ANK2: variants seen among roughly 807,000 people sequenced by gnomAD.
ANK2 encodes ankyrin 2, also known as ankyrin-2.
Under a neutral mutation model 360.5 loss-of-function variants are expected in ANK2, and 83 were observed. The observed-to-expected ratio is 0.23, with a 90% CI of 0.19 to 0.28. The LOEUF is 0.28. ANK2 is among the 10% of genes least tolerant of loss of function. The pLI is 1.00. For synonymous variants in ANK2, 1,740 were observed against 1,759.5 expected (o/e 0.99, Z 0.28); for missense variants, 4,201 against 4,795.7 (o/e 0.88, Z 3.66).
At chr4:112,785,175 C>T in the ANK2 span, among the ~76,000 whole-genome samples, 2 of 152,042 alleles carry the variant, frequency 1.3e-5, no homozygotes, top group Non-Finnish European at 2.9e-5. Context: ...AGAGTTTGTA[C>T]ATCTGGGTTG....
At chr4:112,915,791 A>AT (rs1302116466) in intron 2 of ANK2, among the ~76,000 whole-genome samples, 1 of 151,036 alleles carries the variant, frequency 6.6e-6, no homozygotes, top group Non-Finnish European at 1.5e-5. Context: ...TAATAAATAC[A>AT]TTTTTTTCAA....
chr4:112,914,372 G>A lies in ANK2; in HGVS notation c.21+9858G>A, dbSNP rs539844142. 7.9e-5 allele frequency among the ~76,000 whole-genome samples: 12 copies of A among 152,252 alleles called. No individual in the cohort carries two copies. The South Asian group carries it at 1.0e-3, about 13-fold the overall frequency. ...ATCGTGGCTCACGCCGGTAATCCCC[G>A]TACTTTGGGAGGCTGAGGTGGGCAG... On this transcript the variant is annotated intron_variant, in intron 2 of 30. Coordinates refer to the ANK2 transcript ENST00000503271.
At chr4:113,103,827 T>A (rs2093280328) in intron 1 of ANK2, among the ~76,000 whole-genome samples, 1 of 152,164 alleles carries the variant, frequency 6.6e-6, no homozygotes, top group African/African-American at 2.4e-5. Flanking sequence ...CACATCTGAA[T>A]ATTTGCTTAA....
intron 1 of ANK2, among the ~76,000 whole-genome samples, chr4:113,140,263 G>T (rs1297957029): frequency 1.3e-5 from 2 of 151,976 alleles, no homozygotes; most frequent in Admixed American, 1.3e-4. Flanking sequence ...CGAGAATTCT[G>T]CATGCAATAG....
chr4:112,810,151 ATATATATATTTTTTTTTTTT>A, the ANK2 span, among the ~76,000 whole-genome samples: 224 of 26,290 alleles, frequency 8.5e-3, no homozygotes, highest in South Asian at 0.028. Flanking sequence ...ATATATATAT[ATATATATATTTTTTTTTTTT>A]TTTTTTTTTT....
intron 1 of ANK2, among the ~76,000 whole-genome samples, chr4:112,845,475 C>G (rs577935877): frequency 6.6e-6 from 1 of 152,052 alleles, no homozygotes; most frequent in Non-Finnish European, 1.5e-5. Context: ...GAAACTGACT[C>G]TAGTGAGATT....
intron 2 of ANK2, among the ~76,000 whole-genome samples, chr4:112,971,898 G>C (rs185719111): frequency 2.0e-5 from 3 of 152,254 alleles, no homozygotes; most frequent in East Asian, 3.9e-4. Flanking sequence ...GTGAGGCAAT[G>C]GTAGAGTGAG....
intron 2 of ANK2, among the ~76,000 whole-genome samples, chr4:113,042,104 T>G (rs2063105362): frequency 6.6e-6 from 1 of 152,158 alleles, no homozygotes. Flanking sequence ...AGATTCACCC[T>G]CACCGATGTG....
chr4:112,938,954 GT>G (rs1484254040), intron 2 of ANK2, among the ~76,000 whole-genome samples: 13 of 152,164 alleles, frequency 8.5e-5, no homozygotes, highest in African/African-American at 3.1e-4. Context: ...TAATGTGAAA[GT>G]TGATTTCTTA....
At chr4:113,259,943 G>T (rs2051805880) in intron 13 of ANK2, among the ~76,000 whole-genome samples, 1 of 151,758 alleles carries the variant, frequency 6.6e-6, no homozygotes, top group Non-Finnish European at 1.5e-5. Context: ...CTGTGTTCTT[G>T]CCCGCCTTTT....
chr4:112,956,751 A>C (rs1026835568), intron 2 of ANK2, among the ~76,000 whole-genome samples: 2 of 152,224 alleles, frequency 1.3e-5, no homozygotes, highest in African/African-American at 4.8e-5. Flanking sequence ...AAGGGAGACC[A>C]CTGTAAATAT....
At chr4:112,921,890 CAGATGGA>C (rs1233829075) in intron 2 of ANK2, among the ~76,000 whole-genome samples, 1 of 152,014 alleles carries the variant, frequency 6.6e-6, no homozygotes, top group Admixed American at 6.6e-5. Flanking sequence ...TGACAGGTAC[CAGATGGA>C]ATAAAACTCT....
At chr4:113,119,522 G>GA (rs548699959) in intron 1 of ANK2, among the ~76,000 whole-genome samples, 20 of 148,770 alleles carry the variant, frequency 1.3e-4, no homozygotes, top group South Asian at 4.3e-4. Flanking sequence ...ATGAAGAAAT[G>GA]AAAAAAAAAT....
chr4:112,898,738 T>G (rs1041111678), intron 1 of ANK2, among the ~76,000 whole-genome samples: 8 of 152,222 alleles, frequency 5.3e-5, no homozygotes, highest in Non-Finnish European at 1.2e-4. Flanking sequence ...ATTTTCTTCT[T>G]TCTCCTGTCT....
intron 1 of ANK2, among the ~76,000 whole-genome samples, chr4:113,076,803 G>GAA (rs11398989): frequency 2.9e-3 from 417 of 143,150 alleles, no homozygotes; most frequent in South Asian, 4.4e-3. Context: ...CTCAAAAAAA[G>GAA]AAAAAAAAAA....
chr4:112,876,232 C>A (rs2075066739), intron 1 of ANK2, among the ~76,000 whole-genome samples: 2 of 152,084 alleles, frequency 1.3e-5, no homozygotes, highest in Admixed American at 1.3e-4. Flanking sequence ...GGATTCACTG[C>A]AGCGATAATC....
chr4:113,029,837 G>T (rs1257811419), intron 2 of ANK2, among the ~76,000 whole-genome samples: 1 of 152,074 alleles, frequency 6.6e-6, no homozygotes, highest in African/African-American at 2.4e-5. Context: ...TTATGGAGAT[G>T]TCTATTGACC....
At chr4:112,878,761 A>G (rs1479912880) in intron 1 of ANK2, among the ~76,000 whole-genome samples, 2 of 152,022 alleles carry the variant, frequency 1.3e-5, no homozygotes, top group Non-Finnish European at 2.9e-5. Flanking sequence ...AGCCTGTCCG[A>G]GTAGCTGGGA....
At chr4:113,231,754 C>T (rs2099310364) in intron 4 of ANK2, among the ~76,000 whole-genome samples, 1 of 152,076 alleles carries the variant, frequency 6.6e-6, no homozygotes, top group African/African-American at 2.4e-5. Flanking sequence ...CAGGCATGCG[C>T]CACCACGCCC....
Sources: gnomAD v4.1 joint callset for allele counts (sites outside exome capture counted in the v4.1 genomes callset) on GRCh38, gnomAD v4.1.1 for gene constraint, MANE v1.5 for transcripts, NCBI Gene and HGNC (gene_info 2026-07-23, HGNC 2026-07-21) for gene names.